Variants in BTRC observed in about 807,000 individuals in gnomAD.
BTRC encodes the protein F-box/WD repeat-containing protein 1A.
BTRC carries 42 observed loss-of-function variants against 85.5 expected under a neutral mutation model. The observed-to-expected ratio is 0.49, with a 90% CI of 0.38 to 0.64. The LOEUF (loss-of-function observed/expected upper bound fraction) is 0.64, where lower values mean the gene tolerates loss of function less well. Among genes scored for constraint, BTRC ranks in the 30% least tolerant of loss-of-function variants. The pLI is 0.00. For synonymous variants in BTRC, 255 were observed against 263.3 expected (o/e 0.97, Z 0.30); for missense variants, 594 against 743.5 (o/e 0.80, Z 2.34).
At chr10:101,524,062 A>G (rs1390427034) in intron 5 of BTRC, among the ~76,000 whole-genome samples, 2 of 152,070 alleles carry the variant, frequency 1.3e-5, no homozygotes, top group African/African-American at 4.8e-5. Context: ...TATTAATACT[A>G]CTTTGTTTTA....
At chr10:101,367,384 TAAG>T (rs1398517935) in intron 1 of BTRC, among the ~76,000 whole-genome samples, 2 of 152,130 alleles carry the variant, frequency 1.3e-5, no homozygotes, top group East Asian at 3.9e-4. Flanking sequence ...GGTCTATATT[TAAG>T]AAGAATGTTC....
At chr10:101,379,454 T>C (rs1220351519) in intron 1 of BTRC, among the ~76,000 whole-genome samples, 2 of 152,200 alleles carry the variant, frequency 1.3e-5, no homozygotes, top group African/African-American at 4.8e-5. Flanking sequence ...CTGTTCTTTT[T>C]CAATGTGTCT....
At chr10:101,358,586 TAA>T (rs1044404856) in intron 1 of BTRC, among the ~76,000 whole-genome samples, 1 of 151,972 alleles carries the variant, frequency 6.6e-6, no homozygotes, top group African/African-American at 2.4e-5. Context: ...AAACTTAGCT[TAA>T]AAAAAACAAT....
intron 2 of BTRC, among the ~76,000 whole-genome samples, chr10:101,456,133 T>C (rs7913802): frequency 0.37 from 55,820 of 150,572 alleles, 11,478 homozygotes; most frequent in Middle Eastern, 0.49. Context: ...GTCGCCACTG[T>C]CCTCCAGCCT....
intron 1 of BTRC, among the ~76,000 whole-genome samples, chr10:101,368,185 G>A (rs1942525463): frequency 6.6e-6 from 1 of 152,154 alleles, no homozygotes; most frequent in Admixed American, 6.5e-5. Context: ...TCCTGCCAGA[G>A]TTGGTAGTTT....
Position 101,462,006 on chromosome 10 carries a change from A to G in BTRC, c.182A>G (p.Asn61Ser). ...FQNSSEREDC[N>S]NGEPPRKIIP... ...AATTCCTCAGAGAGAGAAGACTGTA[A>G]TAATGGCGAACCCCCTAGGAAGATA... is the stretch of plus-strand genomic sequence containing the variant. The change falls in exon 3 of 15, where the codon AAT becomes AGT. Residue 61 changes from asparagine to serine, a missense_variant. Asn to Ser is a conservative substitution (Grantham distance 46). This residue lies in a region of BTRC where 163 missense variants were observed against 180.5 expected (regional missense o/e 0.90). Transcript: ENST00000370187. 6.2e-7 allele frequency: 1 copy of G among 1,612,192 alleles called. No homozygotes were observed. Among genetic ancestry groups the G allele is most frequent in the Non-Finnish European group, 8.5e-7 (1 of 1,178,580 alleles).
At chr10:101,536,217 A>G (rs972678621) in intron 11 of BTRC, among the ~76,000 whole-genome samples, 1 of 152,230 alleles carries the variant, frequency 6.6e-6, no homozygotes, top group African/African-American at 2.4e-5. Context: ...TGACTTCAGG[A>G]AACTGCTTTC....
intron 4 of BTRC, among the ~76,000 whole-genome samples, chr10:101,490,539 C>T (rs1946103839): frequency 6.6e-6 from 1 of 152,190 alleles, no homozygotes; most frequent in African/African-American, 2.4e-5. Context: ...CTTCAGAGTT[C>T]TTGCTCACTA....
At chr10:101,495,064 T>C (rs1341743602) in intron 4 of BTRC, among the ~76,000 whole-genome samples, 1 of 152,176 alleles carries the variant, frequency 6.6e-6, no homozygotes, top group East Asian at 1.9e-4. Context: ...AGGTTAAGTG[T>C]TTACAGCCAA....
chr10:101,424,197 G>A (rs1446128791), intron 1 of BTRC, among the ~76,000 whole-genome samples: 1 of 152,052 alleles, frequency 6.6e-6, no homozygotes, highest in East Asian at 1.9e-4. Flanking sequence ...TCATGGCATT[G>A]CACTCCAACC....
intron 2 of BTRC, among the ~76,000 whole-genome samples, chr10:101,432,380 A>C (rs1039148112): frequency 6.6e-6 from 1 of 152,074 alleles, no homozygotes; most frequent in Admixed American, 6.6e-5. Flanking sequence ...TGCCTGCCTC[A>C]GCCTCCCAAA....
Position 101,462,037 on chromosome 10 carries a change from A to T in BTRC, c.213A>T (p.Pro71=). The change falls in exon 3 of 15, where the codon CCA becomes CCT. Residue 71 remains proline, a synonymous_variant. Coordinates refer to ENST00000370187, the MANE Select transcript of BTRC (RefSeq NM_033637.4). The part of the protein sequence containing the change: ...NNGEPPRKII[P]EKNSLRQTYN... ...GCGAACCCCCTAGGAAGATAATACC[A>T]GAGAAGAATTCACTTAGACAGGTAT... 1.9e-6 allele frequency: 3 copies of T among 1,611,712 alleles called. No homozygotes were observed. The highest frequency in any genetic ancestry group is 1.7e-6 in the Non-Finnish European group (2 of 1,178,290).
At chr10:101,493,534 G>A (rs951992771) in intron 4 of BTRC, among the ~76,000 whole-genome samples, 4 of 152,194 alleles carry the variant, frequency 2.6e-5, no homozygotes, top group African/African-American at 9.7e-5. Context: ...AGAAATTAGG[G>A]TAGATGTAGC....
At chr10:101,483,870 A>G (rs1039974147) in intron 4 of BTRC, among the ~76,000 whole-genome samples, 3 of 152,118 alleles carry the variant, frequency 2.0e-5, no homozygotes, top group African/African-American at 7.2e-5. Flanking sequence ...TTAATTGGTA[A>G]AGAAAACTCA....
intron 1 of BTRC, 65 bp from the exon 2 acceptor site, chr10:101,430,280 A>C: frequency 8.8e-7 from 1 of 1,134,480 alleles, no homozygotes; most frequent in Non-Finnish European, 1.3e-6. Context: ...AAGCCTTAAA[A>C]ATTCCTGTAA....
At chr10:101,368,075 G>T (rs1942521672) in intron 1 of BTRC, among the ~76,000 whole-genome samples, 1 of 152,210 alleles carries the variant, frequency 6.6e-6, no homozygotes, top group Non-Finnish European at 1.5e-5. Flanking sequence ...CAGTGTTGGA[G>T]GTGGGGCCTG....
At chr10:101,528,772 A>G (rs967070091) in intron 6 of BTRC, among the ~76,000 whole-genome samples, 7 of 152,204 alleles carry the variant, frequency 4.6e-5, no homozygotes, top group Admixed American at 3.9e-4. Context: ...TAATACGTCA[A>G]TAAAGTCTTT....
chr10:101,429,944 ACTC>A (rs1249504749), intron 1 of BTRC, among the ~76,000 whole-genome samples: 4 of 151,036 alleles, frequency 2.6e-5, no homozygotes, highest in African/African-American at 7.3e-5. Flanking sequence ...GTTTCTGTGA[ACTC>A]CTCCTCTTTC....
chr10:101,454,016 C>T (rs1422099326), intron 2 of BTRC, among the ~76,000 whole-genome samples: 1 of 152,186 alleles, frequency 6.6e-6, no homozygotes, highest in Non-Finnish European at 1.5e-5. Context: ...CAGGCCAGAG[C>T]TTGTAAGTGC....
Sources: allele counts gnomAD v4.1 joint callset (sites outside exome capture counted in the v4.1 genomes callset), GRCh38; gene constraint gnomAD v4.1.1; regional missense constraint gnomAD v4.1.1; transcripts MANE v1.5; gene names NCBI Gene and HGNC (gene_info 2026-07-23, HGNC 2026-07-21).